MST1R: variants seen among roughly 807,000 people sequenced by gnomAD.
The protein encoded by MST1R is macrophage stimulating 1 receptor, also known as macrophage-stimulating protein receptor.
MST1R carries 99 observed loss-of-function variants against 117.8 expected under a neutral mutation model. The observed-to-expected ratio is 0.84, with a 90% CI of 0.71 to 0.99. The LOEUF (loss-of-function observed/expected upper bound fraction) is 0.99, where lower values mean the gene tolerates loss of function less well. Among genes scored for constraint, MST1R ranks in the 50% least tolerant of loss-of-function variants. The pLI is 0.00. For synonymous variants in MST1R, 734 were observed against 765.3 expected (o/e 0.96, Z 0.68); for missense variants, 1,683 against 1,840.2 (o/e 0.91, Z 1.56).
rs1427080669 is a variant in MST1R, at chr3:49,893,554, A to T, written c.3271+1613T>A. ...GGGAGGGGGAGGTTGCAGTGAGCCA[A>T]GATTGCACCACTGCACTCCAGCCTG... On this transcript the variant is annotated intron_variant, in intron 14 of 19. Transcript: ENST00000296474. 5.9e-5 allele frequency among the ~76,000 whole-genome samples: 9 copies of T among 151,458 alleles called. No homozygotes were observed. In the East Asian group the frequency reaches 1.8e-3, roughly 29 times the overall value.
Position 49,903,172 on chromosome 3 carries a change from A to ATGCAGGAAGCAGCGGCCC in MST1R, c.420_437dup (p.Gln140_Leu145dup). 1 of 1,605,174 alleles carries ATGCAGGAAGCAGCGGCCC rather than the reference A, an allele frequency of 6.2e-7. No individual in the cohort carries two copies. Among genetic ancestry groups the ATGCAGGAAGCAGCGGCCC allele is most frequent in the Non-Finnish European group, 8.5e-7 (1 of 1,179,988 alleles). ...CGGCTGTCCCTTGGGGCTCTAGGTC[A>ATGCAGGAAGCAGCGGCCC]TGCAGGAAGCAGCGGCCCTGCAGGC... On this transcript the variant is annotated inframe_insertion, in exon 1 of 20. Coordinates refer to ENST00000296474, the MANE Select transcript of MST1R (RefSeq NM_002447.4).
chr3:49,891,932 A>T (rs2082328152), intron 14 of MST1R, 94 bp from the exon 15 acceptor site: 16 of 884,462 alleles, frequency 1.8e-5, no homozygotes, highest in Non-Finnish European at 2.5e-5. Context: ...TCAGAGCACT[A>T]AACTGGCCAA....
Position 49,897,612 on chromosome 3 carries a change from GC to G in MST1R, c.1953del (p.Pro652LeufsTer8). 6.2e-7 allele frequency: 1 copy of G among 1,614,152 alleles called. No homozygotes were observed. The highest frequency in any genetic ancestry group is 8.5e-7 in the Non-Finnish European group (1 of 1,180,036). On this transcript the variant is annotated frameshift_variant, in exon 6 of 20. Coordinates refer to ENST00000296474, the MANE Select transcript of MST1R (RefSeq NM_002447.4). LOFTEE classifies it high-confidence loss of function. ...ELEPLGTQAV[G>X]PTNVSLTVTN... ...GTCACGGTGAGGCTGACGTTGGTAG[GC>G]CCCACTGCCTGGGTGCCCAAGGGCT...
In MST1R at chr3:49,890,050, C is replaced by G; in HGVS notation, c.3821G>C (p.Gly1274Ala). 1 of 1,604,774 alleles carries G rather than the reference C, an allele frequency of 6.2e-7. No homozygotes were observed. ...FTTKSDVWSF[G>A]VLLWELLTRG... ...TGTCAGCAGTTCCCACAGCAGCACA[C>G]CAAATGACCACTGTGGAAAGGGGGA... The change falls in exon 19 of 20, where the codon GGT becomes GCT. Residue 1274 changes from glycine (G) to alanine (A), a missense_variant. Coordinates refer to ENST00000296474, the MANE Select transcript of MST1R (RefSeq NM_002447.4).
In MST1R at chr3:49,895,852, AG is replaced by A. The variant is rs1234341466; in HGVS notation, c.2824del (p.Leu942TrpfsTer46). On this transcript the variant is annotated frameshift_variant, in exon 12 of 20. Transcript: ENST00000296474. LOFTEE classifies it high-confidence loss of function. ...QVCVDGECHI[L>X]GRVVRPGPDG... is the part of the protein sequence containing the mutation. ...TGGCCCTGGCCGCACCACTCTACCC[AG>A]GATATGACATTCACCATCTACGCAG... is the stretch of plus-strand genomic sequence containing the variant. The A allele has an allele frequency of 3.7e-6, 6 of 1,611,380 alleles. No homozygotes were observed. Among genetic ancestry groups the A allele is most frequent in the Non-Finnish European group, 5.1e-6 (6 of 1,178,558 alleles).
chr3:49,891,598 T>C lies in MST1R; in HGVS notation c.3353-18A>G, dbSNP rs2082318215. 1 of 1,613,168 alleles carries C rather than the reference T, an allele frequency of 6.2e-7. No homozygotes were observed. The highest frequency in any genetic ancestry group is 8.5e-7 in the Non-Finnish European group (1 of 1,179,574). ...TGTGATGCCTGCAGAGCAGCGCAAG[T>C]CAGGCACAGGGCAGGGCGTCCCTTT... On this transcript the variant is annotated intron_variant, in intron 15 of 19. Transcript: ENST00000296474.
chr3:49,896,746 G>A lies in MST1R; in HGVS notation c.2328C>T (p.Ser776=), dbSNP rs1275048525. The A allele has an allele frequency of 6.3e-7, 1 of 1,591,520 alleles. No individual in the cohort carries two copies. The change falls in exon 8 of 20, where the codon AGC becomes AGT. Residue 776 remains serine, a synonymous_variant. Coordinates refer to ENST00000296474, the MANE Select transcript of MST1R (RefSeq NM_002447.4). ...YREDPVVLSI[S]PNCGYINSHI... is the part of the protein sequence containing the mutation. ...GTGCTTACATGTAGCCACAGTTGGG[G>A]CTGATGCTTAGCACGACAGGGTCTT...
chr3:49,889,405 G>A (rs954660820), intron 19 of MST1R, among the ~76,000 whole-genome samples: 2 of 152,140 alleles, frequency 1.3e-5, no homozygotes, highest in African/African-American at 4.8e-5. Context: ...TTCTAACCCA[G>A]CAGACCTAGC....
chr3:49,895,539 G>A lies in MST1R; in HGVS notation c.2972C>T (p.Pro991Leu). Residue 991 changes from proline to leucine, a missense_variant, in exon 13 of 20, where the codon CCC becomes CTC. Coordinates refer to ENST00000296474, the MANE Select transcript of MST1R (RefSeq NM_002447.4). The stretch of plus-strand genomic sequence containing the variant: ...CAGGGATGCCAGGTCATTCAGGTTG[G>A]GAGGAAGAACTGTGGAAAGAGAATC... ...WWRRKQLVLP[P>L]NLNDLASLDQ... is the part of the protein sequence containing the mutation. 2 of 1,614,142 alleles carry A rather than the reference G, an allele frequency of 1.2e-6. No individual in the cohort carries two copies. Among genetic ancestry groups the A allele is most frequent in the Non-Finnish European group, 1.7e-6 (2 of 1,180,016 alleles).
intron 5 of MST1R, 38 bp downstream of exon 5, chr3:49,898,013 C>T: frequency 1.9e-6 from 3 of 1,613,726 alleles, no homozygotes; most frequent in Non-Finnish European, 2.5e-6. Flanking sequence ...GCTTGGTTTC[C>T]CCCTTCAGGG....
At chr3:49,890,881 A>G (rs1413265181) in intron 17 of MST1R, among the ~76,000 whole-genome samples, 2 of 152,112 alleles carry the variant, frequency 1.3e-5, no homozygotes, top group Non-Finnish European at 2.9e-5. Flanking sequence ...GCCCGCCACC[A>G]CGCCTGGCTA....
At chr3:49,891,891 C>A (rs891273601) in intron 14 of MST1R, 53 bp from the exon 15 acceptor site, 61 of 1,481,474 alleles carry the variant, frequency 4.1e-5, no homozygotes, top group African/African-American at 5.5e-5. Flanking sequence ...GCCCAAGGCT[C>A]ACACCACACA....
At chr3:49,902,276 C>G in intron 1 of MST1R, 104 bp downstream of exon 1, 1 of 1,438,260 alleles carries the variant, frequency 7.0e-7, no homozygotes, top group South Asian at 1.3e-5. Context: ...TTTCCGCCTG[C>G]CCCCCCACCG....
Position 49,891,395 on chromosome 3 carries a change from TG to T in MST1R, c.3534+3del, listed in dbSNP as rs2082310628. The T allele has an allele frequency of 1.4e-5, 22 of 1,613,862 alleles. No individual in the cohort carries two copies. The highest frequency in any genetic ancestry group is 1.9e-5 in the Non-Finnish European group (22 of 1,179,908). ...CCCCAACCCAGAGCCAGATGAACAC[TG>T]ACCCGCTGAGGTGAGCGGATGAACT... On this transcript the variant is annotated splice_donor_region_variant and intron_variant, in intron 16 of 19. Coordinates refer to ENST00000296474, the MANE Select transcript of MST1R (RefSeq NM_002447.4).
At chr3:49,894,034 T>G (rs1277349556) in intron 14 of MST1R, among the ~76,000 whole-genome samples, 1 of 149,344 alleles carries the variant, frequency 6.7e-6, no homozygotes. Flanking sequence ...GCCAACATGG[T>G]GAAATCCTAT....
rs114924354 is a variant in MST1R, at chr3:49,899,287, G to A, written c.1231-24C>T. The A allele has an allele frequency of 1.1e-3, 1,816 of 1,613,024 alleles. 26 individuals are homozygous for A. The African/African-American group carries it at 0.021, about 19-fold the overall frequency. On this transcript the variant is annotated intron_variant, in intron 1 of 19. Transcript: ENST00000296474. The stretch of plus-strand genomic sequence containing the variant: ...GGCTGGGAAAGGTCAGGGAAGGGAA[G>A]GAGTCAGGGTTCAGCCTTGTGCCCC...
rs752910080 is a variant in MST1R at position 49,903,464 on chromosome 3, A to C, written c.146T>G (p.Phe49Cys). 6.2e-7 allele frequency: 1 copy of C among 1,613,140 alleles called. No individual in the cohort carries two copies. The change falls in exon 1 of 20, where the codon TTC becomes TGC. Residue 49 changes from phenylalanine (F) to cysteine (C), a missense_variant. Phe to Cys is a radical substitution (Grantham distance 205). Coordinates refer to ENST00000296474, the MANE Select transcript of MST1R (RefSeq NM_002447.4). Reference protein sequence around the residue: ...DFDVKYVVPSFSAGGLVQAMV... With the variant: ...DFDVKYVVPSCSAGGLVQAMV... ...GGCCTGTACCAGGCCTCCGGCGGAG[A>C]AGCTGGGCACCACGTACTTCACGTC... is the stretch of plus-strand genomic sequence containing the variant.
At position 49,903,010 on chromosome 3, in the gene MST1R, T is replaced by G; in HGVS notation, c.600A>C (p.Ala200=). The G allele has an allele frequency of 6.2e-7, 1 of 1,612,996 alleles. No homozygotes were observed. Among genetic ancestry groups the G allele is most frequent in the East Asian group, 2.2e-5 (1 of 44,892 alleles). The stretch of plus-strand genomic sequence containing the variant: ...CAGCCACGGCTGCGTCCAGTGAGGA[T>G]GCCACGTAGAAATAGGAGGCCTGGC... ...EQGQASYFYV[A]SSLDAAVAAS... is the part of the protein sequence containing the mutation. The change falls in exon 1 of 20, where the codon GCA becomes GCC. Residue 200 remains alanine, a synonymous_variant. Transcript: ENST00000296474.
rs746192005 is a variant in MST1R, at chr3:49,897,670, T to G, written c.1896A>C (p.Lys632Asn). Reference protein sequence around the residue: ...DSSKLRPVPRKDFVEEFECEL... With the variant: ...DSSKLRPVPRNDFVEEFECEL... ...CACACTCAAACTCCTCTACAAAGTC[T>G]TTCCGGGGCACTGGTCTGGGGCACC... The change falls in exon 6 of 20, where the codon AAA becomes AAC. Residue 632 changes from lysine (K) to asparagine (N), a missense_variant. Transcript: ENST00000296474. 3 of 1,612,826 alleles carry G rather than the reference T, an allele frequency of 1.9e-6. No individual in the cohort carries two copies. The highest frequency in any genetic ancestry group is 2.5e-6 in the Non-Finnish European group (3 of 1,179,384).
Sources: allele counts gnomAD v4.1 joint callset (sites outside exome capture counted in the v4.1 genomes callset), GRCh38; gene constraint gnomAD v4.1.1; transcripts MANE v1.5; gene names NCBI Gene and HGNC (gene_info 2026-07-23, HGNC 2026-07-21).